The following NCAM2 variants were observed in gnomAD, a reference collection of about 807,000 sequenced individuals.
NCAM2 encodes the protein neural cell adhesion molecule 2, also known as N-CAM-2.
A neutral mutation model predicts 98.1 loss-of-function variants in NCAM2; 30 were observed. The ratio of observed to expected loss-of-function variants is 0.31; its 90% CI spans 0.23 to 0.41. The LOEUF (loss-of-function observed/expected upper bound fraction) is 0.41. NCAM2 is among the 10% of genes least tolerant of loss of function. The pLI, the probability that NCAM2 is intolerant of heterozygous loss-of-function variation, is 1.00. For missense variants in NCAM2, 867 were observed against 1,005.8 expected (o/e 0.86, Z 1.87); for synonymous variants, 368 against 342.4 (o/e 1.07, Z -0.83).
chr21:21,127,735 T>A (rs1055220890), intron 1 of NCAM2, among the ~76,000 whole-genome samples: 1 of 152,152 alleles, frequency 6.6e-6, no homozygotes, highest in Non-Finnish European at 1.5e-5. Flanking sequence ...CTTGGCATAT[T>A]TCATTGAACA....
chr21:21,236,842 T>A (rs1367147644), intron 1 of NCAM2, among the ~76,000 whole-genome samples: 1 of 151,980 alleles, frequency 6.6e-6, no homozygotes, highest in South Asian at 2.1e-4. Flanking sequence ...CTTTCCCTAA[T>A]ATCCACAATA....
At chr21:21,167,231 TC>T (rs1465705266) in intron 1 of NCAM2, among the ~76,000 whole-genome samples, 1 of 152,000 alleles carries the variant, frequency 6.6e-6, no homozygotes, top group Non-Finnish European at 1.5e-5. Context: ...TCTCTCACCC[TC>T]CCCTTGAAAT....
chr21:21,081,446 A>G (rs957080226), intron 1 of NCAM2, among the ~76,000 whole-genome samples: 3 of 152,152 alleles, frequency 2.0e-5, no homozygotes, highest in Non-Finnish European at 4.4e-5. Flanking sequence ...AGGTGGAACC[A>G]TCTGTCCTGC....
At chr21:21,216,664 G>C (rs187402152) in intron 1 of NCAM2, among the ~76,000 whole-genome samples, 1 of 152,272 alleles carries the variant, frequency 6.6e-6, no homozygotes, top group Admixed American at 6.5e-5. Flanking sequence ...CTTCTCTCTA[G>C]CTTATCAATT....
At chr21:21,290,276 G>A (rs1174819776) in intron 4 of NCAM2, 2 of 151,924 alleles carry the variant, frequency 1.3e-5, no homozygotes, top group African/African-American at 4.8e-5. Flanking sequence ...GTAATACAAT[G>A]ATCTAAGTAT....
At chr21:21,407,760 G>A (rs867716528) in intron 9 of NCAM2, among the ~76,000 whole-genome samples, 9 of 152,210 alleles carry the variant, frequency 5.9e-5, no homozygotes, top group South Asian at 2.1e-4. Context: ...GAGTTTATTT[G>A]TAATTATATT....
At chr21:21,349,472 T>C (rs2075277598) in intron 8 of NCAM2, among the ~76,000 whole-genome samples, 1 of 152,144 alleles carries the variant, frequency 6.6e-6, no homozygotes, top group Admixed American at 6.6e-5. Flanking sequence ...CTTTGTACAC[T>C]CTGAGTGGGG....
intron 1 of NCAM2, among the ~76,000 whole-genome samples, chr21:21,243,185 T>C (rs886713118): frequency 6.6e-6 from 1 of 152,210 alleles, no homozygotes; most frequent in African/African-American, 2.4e-5. Context: ...AGCAGTTGCA[T>C]GAAACTCAGA....
intron 10 of NCAM2, among the ~76,000 whole-genome samples, chr21:21,416,688 A>T (rs2077001377): frequency 6.6e-6 from 1 of 152,152 alleles, no homozygotes; most frequent in Non-Finnish European, 1.5e-5. Flanking sequence ...TGCACATTTT[A>T]AACATTTAAA....
At chr21:21,470,974 AT>A (rs2146232528) in intron 14 of NCAM2, among the ~76,000 whole-genome samples, 1 of 152,194 alleles carries the variant, frequency 6.6e-6, no homozygotes, top group African/African-American at 2.4e-5. Context: ...AATTAATCAA[AT>A]ATAAAGTGAT....
chr21:21,491,767 T>C (rs911886167), intron 15 of NCAM2, among the ~76,000 whole-genome samples: 1 of 151,530 alleles, frequency 6.6e-6, no homozygotes, highest in East Asian at 1.9e-4. Flanking sequence ...TTTTAATATA[T>C]ACATTATTAT....
chr21:21,400,403 A>G (rs999678688), intron 9 of NCAM2, among the ~76,000 whole-genome samples: 2 of 152,168 alleles, frequency 1.3e-5, no homozygotes, highest in African/African-American at 2.4e-5. Context: ...GACACATTAC[A>G]TCTTGTTTGC....
At position 21,453,187 on chromosome 21, in the gene NCAM2, G is replaced by C. The variant is rs1165116318; in HGVS notation, c.1655-13419G>C. ...AATTTATAATTTTAAAACAGTTAAT[G>C]ATATAAAGTATGAAGAAAAATGAAG... On this transcript the variant is annotated intron_variant, in intron 12 of 17. Transcript: ENST00000400546. Among the ~76,000 whole-genome samples, 3 of 145,764 alleles carry C rather than the reference G, an allele frequency of 2.1e-5. No individual in the cohort carries two copies. The South Asian group carries it at 6.3e-4, about 31-fold the overall frequency.
At chr21:21,478,773 T>C (rs191467265) in intron 15 of NCAM2, among the ~76,000 whole-genome samples, 10 of 152,284 alleles carry the variant, frequency 6.6e-5, no homozygotes, top group African/African-American at 2.4e-4. Flanking sequence ...TTCTTAAATC[T>C]GAGCTGGATA....
At chr21:21,058,034 C>A (rs1485123813) in intron 1 of NCAM2, among the ~76,000 whole-genome samples, 1 of 151,336 alleles carries the variant, frequency 6.6e-6, no homozygotes, top group Non-Finnish European at 1.5e-5. Context: ...ATGCTTTGTC[C>A]TTAATCAACA....
intron 15 of NCAM2, among the ~76,000 whole-genome samples, chr21:21,489,405 C>T (rs561104081): frequency 3.7e-4 from 56 of 151,792 alleles, no homozygotes; most frequent in Middle Eastern, 3.4e-3. Context: ...TTCCTCCTTT[C>T]TCTTTCTCTC....
At chr21:21,099,297 C>CA (rs2066189716) in intron 1 of NCAM2, among the ~76,000 whole-genome samples, 1 of 151,860 alleles carries the variant, frequency 6.6e-6, no homozygotes, top group South Asian at 2.1e-4. Context: ...AGGCAAGCTA[C>CA]ACTAAAGGTA....
At chr21:21,017,178 C>T (rs2064327048) in intron 1 of NCAM2, among the ~76,000 whole-genome samples, 2 of 143,288 alleles carry the variant, frequency 1.4e-5, no homozygotes, top group South Asian at 2.4e-4. Context: ...ATAATCCCAG[C>T]ACTTTGGGAA....
At chr21:21,013,843 T>G (rs9983138) in intron 1 of NCAM2, among the ~76,000 whole-genome samples, 82,793 of 151,800 alleles carry the variant, frequency 0.55, 22,999 homozygotes, top group East Asian at 0.81. Flanking sequence ...AGAAGCCATC[T>G]CCATAACATA....
Sources: gnomAD v4.1 joint callset for allele counts (sites outside exome capture counted in the v4.1 genomes callset) on GRCh38, gnomAD v4.1.1 for gene constraint, MANE v1.5 for transcripts, NCBI Gene and HGNC (gene_info 2026-07-23, HGNC 2026-07-21) for gene names.